The following NAA35 variants were observed in gnomAD, a reference collection of about 807,000 sequenced individuals.
NAA35 encodes N-alpha-acetyltransferase 35, NatC auxiliary subunit.
Under a neutral mutation model 101.7 loss-of-function variants are expected in NAA35, and 18 were observed. The ratio of observed to expected loss-of-function variants is 0.18; its 90% CI spans 0.12 to 0.26. The LOEUF is 0.26. NAA35 is among the 10% of genes least tolerant of loss of function. The pLI, the probability that NAA35 is intolerant of heterozygous loss-of-function variation, is 1.00. For synonymous variants in NAA35, 267 were observed against 273.1 expected (o/e 0.98, Z 0.22); for missense variants, 601 against 886.8 (o/e 0.68, Z 4.09).
At chr9:85,947,976 C>T (rs540323364) in intron 2 of NAA35, among the ~76,000 whole-genome samples, 1 of 152,256 alleles carries the variant, frequency 6.6e-6, no homozygotes, top group Non-Finnish European at 1.5e-5. Flanking sequence ...CCCTTAATCA[C>T]GTATAATATA....
intron 6 of NAA35, among the ~76,000 whole-genome samples, chr9:85,963,263 C>CTTTTTTT (rs527736196): frequency 1.2e-4 from 9 of 72,314 alleles, no homozygotes; most frequent in Admixed American, 3.6e-4. Flanking sequence ...GAAGGTATGG[C>CTTTTTTT]TTTTTTTTTT....
chr9:86,020,927 G>A lies in NAA35; in HGVS notation c.2076G>A (p.Val692=). The A allele has an allele frequency of 8.1e-6, 13 of 1,613,284 alleles. No homozygotes were observed. The highest frequency in any genetic ancestry group is 1.1e-5 in the Non-Finnish European group (13 of 1,179,624). Reference sequence around the variant, plus strand: ...TAAAGGTTGCCAAACCCAACTTTGTGGTTATGAAGTTATTGGCAGGAGGAC... The same window carrying A: ...TAAAGGTTGCCAAACCCAACTTTGTAGTTATGAAGTTATTGGCAGGAGGAC... ...RILKVAKPNF[V]VMKLLAGGHK... Residue 692 remains valine (V), a synonymous_variant, in exon 22 of 23, where the codon GTG becomes GTA. Transcript: ENST00000361671.
At chr9:85,972,803 A>G (rs530292858) in intron 6 of NAA35, among the ~76,000 whole-genome samples, 13 of 152,282 alleles carry the variant, frequency 8.5e-5, no homozygotes, top group African/African-American at 3.1e-4. Flanking sequence ...CGTTGAACAC[A>G]TATTTATTGA....
chr9:85,966,460 A>G (rs1327732693), intron 6 of NAA35: 1 of 280,254 alleles, frequency 3.6e-6, no homozygotes, highest in African/African-American at 2.2e-5. Context: ...TGCTTATTTT[A>G]TGAAGGAAGG....
At chr9:85,946,603 T>C (rs934392603) in intron 2 of NAA35, among the ~76,000 whole-genome samples, 2 of 152,208 alleles carry the variant, frequency 1.3e-5, no homozygotes, top group Non-Finnish European at 1.5e-5. Context: ...AAGGGCTGCA[T>C]GTGGCCCAGG....
intron 11 of NAA35, chr9:85,986,823 T>A (rs1466902912): frequency 8.6e-6 from 2 of 233,230 alleles, no homozygotes; most frequent in Admixed American, 5.3e-5. Flanking sequence ...ACTCCTGACC[T>A]CAAGTGATCC....
chr9:85,977,317 A>G (rs2118055615), intron 9 of NAA35, 46 bp from the exon 10 acceptor site: 1 of 1,298,698 alleles, frequency 7.7e-7, no homozygotes, highest in African/African-American at 1.5e-5. Context: ...AATTCCTTTC[A>G]CGGGCTTTGC....
intron 15 of NAA35, 126 bp from the exon 16 acceptor site, chr9:86,012,920 A>C (rs528617603): frequency 2.1e-6 from 1 of 477,272 alleles, no homozygotes; most frequent in Admixed American, 4.0e-5. Flanking sequence ...AAAAGTATAC[A>C]TAGACCTAAT....
intron 12 of NAA35, 36 bp from the exon 13 acceptor site, chr9:86,003,549 A>G (rs370454506): frequency 2.2e-5 from 29 of 1,323,452 alleles, no homozygotes; most frequent in African/African-American, 1.2e-4. Context: ...TATTTAATCT[A>G]TTAATGACAT....
rs773922665 is a variant in NAA35, at chr9:86,013,102, G to A, written c.1347G>A (p.Lys449=). The A allele has an allele frequency of 6.3e-7, 1 of 1,595,770 alleles. No individual in the cohort carries two copies. Among genetic ancestry groups the A allele is most frequent in the Non-Finnish European group, 8.6e-7 (1 of 1,167,290 alleles). ...HGHNRARQRD[K]LGHILEEFAT... is the part of the protein sequence containing the mutation. ...ATAACAGGGCTCGACAGAGAGATAA[G>A]CTTGGTCATATTCTTGAGGAATTTG... The change falls in exon 16 of 23, where the codon AAG becomes AAA. Residue 449 remains lysine (K), a synonymous_variant. Coordinates refer to ENST00000361671, the MANE Select transcript of NAA35 (RefSeq NM_024635.4).
Position 86,024,127 on chromosome 9 carries a change from T to G in NAA35, c.*2167T>G, listed in dbSNP as rs2118561073. On this transcript the variant is annotated 3_prime_UTR_variant, in exon 23 of 23. Transcript: ENST00000361671. ...TCCTGTCATAGAGCTTTTATCATCT[T>G]ACGACAAATACAGAAAAGCAACAGG... 6.6e-6 allele frequency among the ~76,000 whole-genome samples: 1 copy of G among 152,372 alleles called. No individual in the cohort carries two copies. Among genetic ancestry groups the G allele is most frequent in the African/African-American group, 2.4e-5 (1 of 41,592 alleles).
rs11141174 is a variant in NAA35 at position 85,999,072 on chromosome 9, C to T, written c.1056+2495C>T. On this transcript the variant is annotated intron_variant, in intron 12 of 22. Coordinates refer to ENST00000361671, the MANE Select transcript of NAA35 (RefSeq NM_024635.4). The stretch of plus-strand genomic sequence containing the variant: ...TCTTCATTCCTTAGTAAAACTTTCA[C>T]TGATTATGCCTTTAATACCTTCTGT... Among the ~76,000 whole-genome samples the T allele has an allele frequency of 3.0e-3, 453 of 152,320 alleles. 2 individuals carry two copies. Among genetic ancestry groups the T allele is most frequent in the East Asian group, 0.022 (113 of 5,192 alleles).
At chr9:86,021,739 G>T (rs1832568099) in intron 22 of NAA35, among the ~76,000 whole-genome samples, 162 bp from the exon 23 acceptor site, 1 of 152,002 alleles carries the variant, frequency 6.6e-6, no homozygotes, top group South Asian at 2.1e-4. Context: ...TTTCTTCCAG[G>T]TTAGTTCCTA....
chr9:86,004,223 G>A (rs1831533945), intron 13 of NAA35, among the ~76,000 whole-genome samples: 1 of 152,128 alleles, frequency 6.6e-6, no homozygotes, highest in South Asian at 2.1e-4. Flanking sequence ...TTGTGCCTCA[G>A]CCTATCAAGT....
At chr9:86,010,003 C>T (rs1484200613) in intron 15 of NAA35, 72 bp downstream of exon 15, 1 of 1,249,426 alleles carries the variant, frequency 8.0e-7, no homozygotes, top group Non-Finnish European at 1.2e-6. Context: ...CACGGTGGCT[C>T]ACTTTGGGAG....
chr9:85,997,352 T>G (rs1189296431), intron 12 of NAA35, among the ~76,000 whole-genome samples: 1 of 151,966 alleles, frequency 6.6e-6, no homozygotes, highest in Admixed American at 6.6e-5. Flanking sequence ...GATAATTTTT[T>G]TTTTTTTGAT....
At chr9:85,944,217 A>T (rs75460511) in intron 2 of NAA35, among the ~76,000 whole-genome samples, 8 of 152,192 alleles carry the variant, frequency 5.3e-5, no homozygotes, top group African/African-American at 1.9e-4. Flanking sequence ...TCTGAATCTT[A>T]GTTTTCTACT....
At chr9:86,017,652 C>A in intron 19 of NAA35, 87 bp downstream of exon 19, 1 of 1,075,998 alleles carries the variant, frequency 9.3e-7, no homozygotes, top group Non-Finnish European at 1.3e-6. Flanking sequence ...TGATTCTTTC[C>A]ATATTATAAT....
intron 2 of NAA35, among the ~76,000 whole-genome samples, chr9:85,946,539 T>C (rs988186592): frequency 1.3e-5 from 2 of 152,184 alleles, no homozygotes; most frequent in African/African-American, 4.8e-5. Flanking sequence ...AATCTTTCAT[T>C]CCATTTTCTT....
Sources: allele counts gnomAD v4.1 joint callset (sites outside exome capture counted in the v4.1 genomes callset), GRCh38; gene constraint gnomAD v4.1.1; transcripts MANE v1.5; gene names NCBI Gene and HGNC (gene_info 2026-07-23, HGNC 2026-07-21).